Variants in BNC2 observed in about 807,000 individuals in gnomAD.
The protein encoded by BNC2 is basonuclin zinc finger protein 2, also known as zinc finger protein basonuclin-2.
Under a neutral mutation model 76.3 loss-of-function variants are expected in BNC2, and 20 were observed. The ratio of observed to expected loss-of-function variants is 0.26; its 90% CI spans 0.18 to 0.38. The LOEUF is 0.38. Among genes scored for constraint, BNC2 ranks in the 10% least tolerant of loss-of-function variants. BNC2 has a pLI of 1.00. For missense variants in BNC2, 1,382 were observed against 1,399.8 expected, an observed-to-expected ratio of 0.99 and a Z score of 0.20; for synonymous variants, 582 against 514.8, an observed-to-expected ratio of 1.13 and a Z score of -1.77.
chr9:16,810,463 T>A (rs925407242), intron 1 of BNC2, among the ~76,000 whole-genome samples: 4 of 152,198 alleles, frequency 2.6e-5, no homozygotes, highest in African/African-American at 9.6e-5. Flanking sequence ...TTACCTCATG[T>A]GAATGACAAT....
chr9:16,761,961 T>A (rs1190450175), intron 1 of BNC2, among the ~76,000 whole-genome samples: 1 of 152,140 alleles, frequency 6.6e-6, no homozygotes. Flanking sequence ...ATACTCAAAG[T>A]ACCAAAAATT....
intron 3 of BNC2, among the ~76,000 whole-genome samples, chr9:16,675,647 TCTTA>T (rs2134227880): frequency 6.6e-6 from 1 of 152,346 alleles, no homozygotes; most frequent in Non-Finnish European, 1.5e-5. Context: ...GTAAATTGTA[TCTTA>T]AAGACTCTGA....
At chr9:16,602,810 T>C (rs1238559814) in intron 3 of BNC2, among the ~76,000 whole-genome samples, 1 of 152,244 alleles carries the variant, frequency 6.6e-6, no homozygotes, top group African/African-American at 2.4e-5. Flanking sequence ...GGGAACATTT[T>C]TACATTTCTG....
At chr9:16,608,153 G>T (rs1820434923) in intron 3 of BNC2, among the ~76,000 whole-genome samples, 2 of 152,150 alleles carry the variant, frequency 1.3e-5, no homozygotes, top group South Asian at 2.1e-4. Context: ...TCCATGAGCA[G>T]AAAAAGATTC....
intron 1 of BNC2, among the ~76,000 whole-genome samples, chr9:16,795,815 G>A (rs779533196): frequency 1.7e-4 from 26 of 152,240 alleles, no homozygotes; most frequent in Middle Eastern, 6.8e-3. Context: ...AAACTAAAAC[G>A]TTTCCAAGTT....
chr9:16,453,893 C>A (rs1016010108), intron 5 of BNC2, among the ~76,000 whole-genome samples: 1 of 152,210 alleles, frequency 6.6e-6, no homozygotes, highest in African/African-American at 2.4e-5. Flanking sequence ...CATTCAAGAA[C>A]TGCCCCAATC....
intron 5 of BNC2, among the ~76,000 whole-genome samples, chr9:16,546,968 G>A (rs1443098773): frequency 6.6e-6 from 1 of 152,210 alleles, no homozygotes; most frequent in Non-Finnish European, 1.5e-5. Flanking sequence ...CTGGTGCTGG[G>A]AAGCGAGTTA....
intron 3 of BNC2, among the ~76,000 whole-genome samples, chr9:16,650,830 T>A (rs1821773753): frequency 6.6e-6 from 1 of 152,222 alleles, no homozygotes; most frequent in South Asian, 2.1e-4. Context: ...TCGCCTACTT[T>A]CCAAACTTTT....
At chr9:16,720,266 C>A (rs1208091337) in intron 3 of BNC2, among the ~76,000 whole-genome samples, 1 of 152,110 alleles carries the variant, frequency 6.6e-6, no homozygotes, top group Admixed American at 6.5e-5. Flanking sequence ...GTTTCAGGTG[C>A]ATTTCAATTC....
intron 1 of BNC2, among the ~76,000 whole-genome samples, chr9:16,781,995 A>T (rs1385229152): frequency 6.6e-6 from 1 of 152,168 alleles, no homozygotes; most frequent in Non-Finnish European, 1.5e-5. Flanking sequence ...ATTTTTAATA[A>T]TTTTGTATAG....
At chr9:16,437,555 C>A (rs930663512) in intron 5 of BNC2, 31 bp from the exon 6 acceptor site, 1 of 1,604,926 alleles carries the variant, frequency 6.2e-7, no homozygotes, top group East Asian at 2.2e-5. Flanking sequence ...ACAACAAAGA[C>A]AAACACAAAA....
At position 16,412,309 on chromosome 9, in the gene BNC2, T is replaced by C. The variant is rs572096994; in HGVS notation, c.*6680A>G. On this transcript the variant is annotated 3_prime_UTR_variant, in exon 7 of 7. Transcript: ENST00000380672. ...AGATGCATTTGTACACCTACGTCCATGGTTTGATGCCAAGGATAAGAAAAA... is the reference window on the plus strand; with the variant it reads ...AGATGCATTTGTACACCTACGTCCACGGTTTGATGCCAAGGATAAGAAAAA... 2.0e-5 allele frequency: 3 copies of C among 152,720 alleles called. No homozygotes were observed. In the East Asian group the frequency reaches 5.8e-4, roughly 29 times the overall value. 9.5% of individuals were successfully genotyped at this position (152,720 alleles called of 1,614,324 possible).
intron 5 of BNC2, among the ~76,000 whole-genome samples, chr9:16,514,191 C>T (rs922029504): frequency 2.6e-5 from 4 of 152,168 alleles, no homozygotes; most frequent in African/African-American, 7.2e-5. Context: ...ACTCAAGATT[C>T]GTCTGGTTTC....
In BNC2 at chr9:16,827,642, G is replaced by T. The variant is rs142734777; in HGVS notation, c.3+43004C>A. On this transcript the variant is annotated intron_variant, in intron 1 of 6. Transcript: ENST00000380672. ...AACCTAAAAATGGGGTGCGTGCAAA[G>T]GAGTGGAATTTGTGAGTACTGGTGA... Among the ~76,000 whole-genome samples the T allele has an allele frequency of 6.0e-4, 92 of 152,328 alleles. 3 individuals are homozygous for T. In the East Asian group the frequency reaches 0.015, roughly 25 times the overall value.
intron 1 of BNC2, among the ~76,000 whole-genome samples, chr9:16,857,158 T>C (rs1819279065): frequency 2.0e-5 from 3 of 152,134 alleles, no homozygotes; most frequent in African/African-American, 4.8e-5. Flanking sequence ...CTGGTAAACA[T>C]AAAATTTTTA....
chr9:16,655,341 A>G (rs1456307463), intron 3 of BNC2, among the ~76,000 whole-genome samples: 3 of 152,184 alleles, frequency 2.0e-5, no homozygotes, highest in African/African-American at 4.8e-5. Flanking sequence ...TAAATCCTAC[A>G]AAGCATCAAT....
At chr9:16,750,292 T>G (rs1353019987) in intron 1 of BNC2, among the ~76,000 whole-genome samples, 2 of 152,224 alleles carry the variant, frequency 1.3e-5, no homozygotes, top group South Asian at 2.1e-4. Flanking sequence ...AGTTAAAATA[T>G]TTCTACCTAA....
intron 1 of BNC2, among the ~76,000 whole-genome samples, chr9:16,841,468 T>C (rs1180441337): frequency 1.3e-5 from 2 of 152,160 alleles, no homozygotes; most frequent in African/African-American, 4.8e-5. Flanking sequence ...AACTAATTAT[T>C]CCTCAAAATG....
chr9:16,702,893 C>T (rs1481951352), intron 3 of BNC2, among the ~76,000 whole-genome samples: 1 of 152,198 alleles, frequency 6.6e-6, no homozygotes, highest in Non-Finnish European at 1.5e-5. Context: ...TAACATGTAG[C>T]AGCATTAGAA....
Sources: gnomAD v4.1 joint callset for allele counts (sites outside exome capture counted in the v4.1 genomes callset) on GRCh38, gnomAD v4.1.1 for gene constraint, MANE v1.5 for transcripts, NCBI Gene and HGNC (gene_info 2026-07-23, HGNC 2026-07-21) for gene names.